ASTN1: variants seen among roughly 807,000 people sequenced by gnomAD.
ASTN1 encodes astrotactin-1.
ASTN1 carries 41 observed loss-of-function variants against 140.7 expected under a neutral mutation model. The observed-to-expected ratio is 0.29, with a 90% confidence interval of 0.23 to 0.38. The LOEUF is 0.38. Among genes scored for constraint, ASTN1 ranks in the 10% least tolerant of loss-of-function variants. ASTN1 has a pLI of 1.00. For missense variants in ASTN1, 1,479 were observed against 1,678.8 expected, an observed-to-expected ratio of 0.88 and a Z score of 2.08; for synonymous variants, 640 against 652.2, an observed-to-expected ratio of 0.98 and a Z score of 0.29.
chr1:176,903,856 C>G (rs1428670263), intron 16 of ASTN1, among the ~76,000 whole-genome samples: 2 of 152,184 alleles, frequency 1.3e-5, no homozygotes, highest in African/African-American at 4.8e-5. Flanking sequence ...TTTGAAAACT[C>G]TAGGGAAATA....
At chr1:176,953,733 C>T (rs2179187) in intron 11 of ASTN1, among the ~76,000 whole-genome samples, 149,243 of 152,252 alleles carry the variant, frequency 0.98, 73,176 homozygotes, top group East Asian at 1. Context: ...GGCAGGGTCA[C>T]TGGGTAATTC....
chr1:177,107,982 T>G (rs545517311), intron 1 of ASTN1, among the ~76,000 whole-genome samples: 24 of 152,210 alleles, frequency 1.6e-4, no homozygotes, highest in African/African-American at 5.5e-4. Flanking sequence ...AACCAACAGT[T>G]GATGCTCCAC....
chr1:177,029,603 T>C, intron 5 of ASTN1, 31 bp downstream of exon 5: 1 of 1,604,120 alleles, frequency 6.2e-7, no homozygotes, highest in Non-Finnish European at 8.5e-7. Flanking sequence ...CCAGATCCTT[T>C]ACCACCTTCT....
chr1:176,934,299 G>T lies in ASTN1; in HGVS notation c.2524C>A (p.Arg842Ser). 6.2e-7 allele frequency: 1 copy of T among 1,613,940 alleles called. No homozygotes were observed. Among genetic ancestry groups the T allele is most frequent in the Non-Finnish European group, 8.5e-7 (1 of 1,179,884 alleles). ...TCCAACAGCGCCACAAAATCTGCAC[G>T]AGATGTAGCCCCATCCAGCGAGTGG... Reference protein sequence around the residue: ...ALHSLDGATSRADFVALLDQF... With the variant: ...ALHSLDGATSSADFVALLDQF... Residue 842 changes from arginine to serine, a missense_variant, in exon 16 of 23, where the codon CGT (arginine) becomes AGT (serine). Arg to Ser is a moderately radical substitution (Grantham distance 110). Coordinates refer to ENST00000361833, the MANE Select transcript of ASTN1 (RefSeq NM_004319.3).
At chr1:176,907,942 C>A (rs1185027263) in intron 16 of ASTN1, among the ~76,000 whole-genome samples, 1 of 152,176 alleles carries the variant, frequency 6.6e-6, no homozygotes, top group African/African-American at 2.4e-5. Flanking sequence ...GATATTAAAA[C>A]AATTACAAAC....
rs188488219 is a variant in ASTN1 at position 177,042,345 on chromosome 1, C to T, written c.472-9496G>A. 2.7e-4 allele frequency among the ~76,000 whole-genome samples: 41 copies of T among 152,318 alleles called. No homozygotes were observed. In the East Asian group the frequency reaches 6.8e-3, roughly 25 times the overall value. ...TTCTCTTTTACAGTGGGATTTCCAGCAGCACAGTCCCTAGCCTGGGAGAGG... is the reference window on the plus strand; with the variant it reads ...TTCTCTTTTACAGTGGGATTTCCAGTAGCACAGTCCCTAGCCTGGGAGAGG... On this transcript the variant is annotated intron_variant, in intron 2 of 22. Transcript: ENST00000361833.
intron 1 of ASTN1, among the ~76,000 whole-genome samples, chr1:177,158,655 C>CGTGTGTGTGT (rs34610563): frequency 2.8e-5 from 4 of 142,612 alleles, no homozygotes; most frequent in African/African-American, 5.2e-5. Flanking sequence ...GAAAAAAGTA[C>CGTGTGTGTGT]GTGTGTGTGT....
intron 17 of ASTN1, among the ~76,000 whole-genome samples, chr1:176,888,500 C>A (rs1461734067): frequency 6.6e-6 from 1 of 152,208 alleles, no homozygotes; most frequent in Non-Finnish European, 1.5e-5. Flanking sequence ...TCATATACCA[C>A]TCCATCATTC....
chr1:177,090,141 G>T (rs1679676785), intron 1 of ASTN1, among the ~76,000 whole-genome samples: 1 of 151,720 alleles, frequency 6.6e-6, no homozygotes, highest in Non-Finnish European at 1.5e-5. Context: ...GATAATCTTT[G>T]TAATTCAATT....
At chr1:176,975,958 T>C (rs1444367951) in intron 8 of ASTN1, 4 of 152,192 alleles carry the variant, frequency 2.6e-5, no homozygotes, top group Admixed American at 2.0e-4. Flanking sequence ...CTGTATAATA[T>C]AATTGCCATA....
rs531296927 is a variant in ASTN1 at position 177,127,838 on chromosome 1, C to T, written c.283+36556G>A. On this transcript the variant is annotated intron_variant, in intron 1 of 22. Transcript: ENST00000361833. ...AAACAGTTTGTCAGGTCAACAGCGTCCTGTACGCATATGATGCAAAACGTA... is the reference window on the plus strand; with the variant it reads ...AAACAGTTTGTCAGGTCAACAGCGTTCTGTACGCATATGATGCAAAACGTA... Among the ~76,000 whole-genome samples, 6 of 152,344 alleles carry T rather than the reference C, an allele frequency of 3.9e-5. No homozygotes were observed. In the East Asian group the frequency reaches 9.6e-4, roughly 24 times the overall value.
In ASTN1 at chr1:176,868,827, C is replaced by T. The variant is rs745813800; in HGVS notation, c.3647+17G>A. 4 of 1,585,046 alleles carry T rather than the reference C, an allele frequency of 2.5e-6. No homozygotes were observed. Among genetic ancestry groups the T allele is most frequent in the Non-Finnish European group, 3.4e-6 (4 of 1,163,326 alleles). ...TTCAAGAAGTCTTTAAAAGGGTTGA[C>T]TTAGTTTATTGATTACCTGGGACCT... On this transcript the variant is annotated intron_variant, in intron 22 of 22. Coordinates refer to ENST00000361833, the MANE Select transcript of ASTN1 (RefSeq NM_004319.3).
chr1:176,882,837 T>C, intron 20 of ASTN1, 22 bp downstream of exon 20: 1 of 1,613,784 alleles, frequency 6.2e-7, no homozygotes, highest in Non-Finnish European at 8.5e-7. Flanking sequence ...AAGAAGTCAC[T>C]AGGTAGGTGT....
chr1:177,094,994 G>A (rs1263682228), intron 1 of ASTN1, among the ~76,000 whole-genome samples: 1 of 152,188 alleles, frequency 6.6e-6, no homozygotes, highest in African/African-American at 2.4e-5. Flanking sequence ...TTGGAAGAAA[G>A]GCAATCCTTG....
At chr1:177,092,191 A>C (rs1162099144) in intron 1 of ASTN1, among the ~76,000 whole-genome samples, 3 of 151,966 alleles carry the variant, frequency 2.0e-5, no homozygotes, top group African/African-American at 7.2e-5. Context: ...GACTGCACTC[A>C]CCCTAGAGGC....
intron 16 of ASTN1, among the ~76,000 whole-genome samples, chr1:176,896,702 C>T (rs979604380): frequency 2.6e-5 from 4 of 152,072 alleles, no homozygotes; most frequent in Admixed American, 6.5e-5. Flanking sequence ...CTCTCTGCAC[C>T]CCATAAGAGA....
chr1:176,957,841 A>G lies in ASTN1; in HGVS notation c.1737-13T>C. ...CATCAGCTCCTCTCTGTGGGGAGAA[A>G]GAGTGGGAAGCAGGGAGGAGTCAAG... On this transcript the variant is annotated splice_polypyrimidine_tract_variant and intron_variant, in intron 10 of 22. Coordinates refer to ENST00000361833, the MANE Select transcript of ASTN1 (RefSeq NM_004319.3). 6.2e-7 allele frequency: 1 copy of G among 1,612,700 alleles called. No homozygotes were observed.
intron 3 of ASTN1, among the ~76,000 whole-genome samples, chr1:177,032,116 T>C (rs1001075333): frequency 6.6e-6 from 1 of 152,230 alleles, no homozygotes; most frequent in Non-Finnish European, 1.5e-5. Flanking sequence ...AGAAGTCATA[T>C]ACACATGTTC....
At position 176,864,195 on chromosome 1, in the gene ASTN1, T is replaced by G. The variant is rs902870665; in HGVS notation, c.*89A>C. The G allele has an allele frequency of 3.3e-6, 5 of 1,519,938 alleles. No homozygotes were observed. Among genetic ancestry groups the G allele is most frequent in the Non-Finnish European group, 4.4e-6 (5 of 1,140,986 alleles). 94.2% of individuals were successfully genotyped at this position (1,519,938 alleles called of 1,614,324 possible). A position where few individuals can be genotyped will look rare whatever the true frequency, so the allele number is the denominator to read the frequency against. On this transcript the variant is annotated 3_prime_UTR_variant, in exon 23 of 23. Transcript: ENST00000361833. ...TGCTGTGGAGGTTTTCATGTTCCAT[T>G]AAAAAATATTAAAAATCCACAGACC...
Sources: allele counts gnomAD v4.1 joint callset (sites outside exome capture counted in the v4.1 genomes callset), GRCh38; gene constraint gnomAD v4.1.1; transcripts MANE v1.5; gene names NCBI Gene and HGNC (gene_info 2026-07-23, HGNC 2026-07-21).